GRID2: variants seen among roughly 807,000 people sequenced by gnomAD.
GRID2 encodes glutamate ionotropic receptor delta type subunit 2.
In GRID2, 33 loss-of-function variants were observed where a neutral mutation model predicts 114.8. The observed-to-expected ratio is 0.29, with a 90% CI of 0.22 to 0.38. The LOEUF is 0.38. GRID2 is among the 10% of genes least tolerant of loss of function. The probability of loss-of-function intolerance (pLI) is 1.00; values close to 1 mark genes in which losing one functional copy is unlikely to be tolerated. For missense variants in GRID2, 1,184 were observed against 1,257.7 expected, an observed-to-expected ratio of 0.94 and a Z score of 0.89; for synonymous variants, 505 against 449.9, an observed-to-expected ratio of 1.12 and a Z score of -1.55.
At chr4:92,853,434 T>C (rs1474029002) in intron 2 of GRID2, among the ~76,000 whole-genome samples, 1 of 152,008 alleles carries the variant, frequency 6.6e-6, no homozygotes, top group African/African-American at 2.4e-5. Flanking sequence ...TCCAATCTCA[T>C]AGAAAATTTA....
chr4:93,562,211 T>A (rs1734993030), intron 13 of GRID2, among the ~76,000 whole-genome samples: 1 of 152,032 alleles, frequency 6.6e-6, no homozygotes, highest in African/African-American at 2.4e-5. Flanking sequence ...TTTTTTTATT[T>A]TGGCCATTCT....
intron 1 of GRID2, among the ~76,000 whole-genome samples, chr4:92,393,098 C>T (rs1376044257): frequency 6.6e-6 from 1 of 152,076 alleles, no homozygotes; most frequent in Non-Finnish European, 1.5e-5. Flanking sequence ...ATGGTGAAAG[C>T]AGGAGCAAGA....
intron 2 of GRID2, among the ~76,000 whole-genome samples, chr4:92,695,153 A>T (rs892641709): frequency 1.3e-5 from 2 of 151,980 alleles, no homozygotes; most frequent in African/African-American, 4.8e-5. Flanking sequence ...TTTTGTAGAG[A>T]CAGGGTTTCA....
At chr4:93,052,870 T>G (rs1726858484) in intron 2 of GRID2, among the ~76,000 whole-genome samples, 1 of 151,884 alleles carries the variant, frequency 6.6e-6, no homozygotes, top group Non-Finnish European at 1.5e-5. Flanking sequence ...CCATCAGTCA[T>G]CCTAAGCGTT....
intron 2 of GRID2, among the ~76,000 whole-genome samples, chr4:92,774,036 A>C (rs1156784306): frequency 6.6e-6 from 1 of 152,204 alleles, no homozygotes; most frequent in East Asian, 1.9e-4. Context: ...ATATAATAAA[A>C]GTTATAAATA....
At chr4:92,940,600 C>G (rs1751037315) in intron 2 of GRID2, among the ~76,000 whole-genome samples, 1 of 152,158 alleles carries the variant, frequency 6.6e-6, no homozygotes, top group South Asian at 2.1e-4. Context: ...ACTTCCAACA[C>G]TATTTTGAAT....
intron 4 of GRID2, among the ~76,000 whole-genome samples, chr4:93,118,895 T>C (rs1733526515): frequency 1.3e-5 from 2 of 152,196 alleles, no homozygotes; most frequent in Non-Finnish European, 2.9e-5. Flanking sequence ...TTCTATACTT[T>C]ATAAGTTAGC....
chr4:93,622,910 G>A (rs780941484), intron 13 of GRID2, among the ~76,000 whole-genome samples: 34 of 152,044 alleles, frequency 2.2e-4, no homozygotes, highest in South Asian at 6.2e-4. Flanking sequence ...AAAAAGTCTC[G>A]CATGTTCTTC....
At chr4:93,050,462 C>T (rs902381704) in intron 2 of GRID2, among the ~76,000 whole-genome samples, 3 of 150,522 alleles carry the variant, frequency 2.0e-5, no homozygotes, top group Non-Finnish European at 3.0e-5. Flanking sequence ...ACTGGGTTGC[C>T]GTGGAAACCA....
chr4:92,511,913 G>A (rs191659719), intron 1 of GRID2, among the ~76,000 whole-genome samples: 1 of 151,840 alleles, frequency 6.6e-6, no homozygotes, highest in East Asian at 2.0e-4. Flanking sequence ...TCCCTCTCTA[G>A]AGACTTTTTA....
chr4:92,669,760 A>C (rs974186287), intron 2 of GRID2, among the ~76,000 whole-genome samples: 11 of 152,158 alleles, frequency 7.2e-5, no homozygotes, highest in African/African-American at 2.4e-4. Context: ...TATGATAGAG[A>C]AATTATATAC....
At chr4:92,966,052 ACT>A (rs1305727387) in intron 2 of GRID2, among the ~76,000 whole-genome samples, 1 of 151,880 alleles carries the variant, frequency 6.6e-6, no homozygotes, top group Non-Finnish European at 1.5e-5. Flanking sequence ...TCAGGAGGAA[ACT>A]CTCACAATGT....
chr4:93,184,550 A>G (rs1457716733), intron 4 of GRID2, among the ~76,000 whole-genome samples: 1 of 150,426 alleles, frequency 6.6e-6, no homozygotes, highest in Non-Finnish European at 1.5e-5. Flanking sequence ...ACTCTTTCAT[A>G]TATTTCTCAA....
chr4:92,952,518 T>A (rs1752109492), intron 2 of GRID2, among the ~76,000 whole-genome samples: 2 of 152,244 alleles, frequency 1.3e-5, no homozygotes, highest in Admixed American at 1.3e-4. Flanking sequence ...TCATGTTTTT[T>A]AAATCTCATT....
At chr4:92,846,173 C>T (rs1240359834) in intron 2 of GRID2, among the ~76,000 whole-genome samples, 1 of 152,046 alleles carries the variant, frequency 6.6e-6, no homozygotes, top group Non-Finnish European at 1.5e-5. Flanking sequence ...TATAATTTCA[C>T]CTTTTATTTT....
At chr4:93,446,272 A>G (rs940881851) in intron 10 of GRID2, among the ~76,000 whole-genome samples, 3 of 151,958 alleles carry the variant, frequency 2.0e-5, no homozygotes, top group Non-Finnish European at 4.4e-5. Flanking sequence ...CAGCCCTCCA[A>G]TGCTCTGTTT....
At chr4:93,656,692 T>C (rs371448524) in intron 14 of GRID2, among the ~76,000 whole-genome samples, 4,965 of 119,058 alleles carry the variant, frequency 0.042, 147 homozygotes, top group Middle Eastern at 0.12. Flanking sequence ...TAGCCAGGCA[T>C]GGTGGCGGGC....
chr4:93,085,525 T>C (rs955082054), intron 3 of GRID2, among the ~76,000 whole-genome samples: 2 of 152,180 alleles, frequency 1.3e-5, no homozygotes, highest in Admixed American at 1.3e-4. Context: ...TTACAAATGT[T>C]TCTAGAGAGA....
chr4:93,769,316 G>A lies in GRID2; in HGVS notation c.2467G>A (p.Gly823Arg), dbSNP rs376767575. ...CTCGTCAGTGGACACAAAGCAGAAAGGAGGCGCCCTGGACATAAAGAGCTT... is the reference window on the plus strand; with the variant it reads ...CTCGTCAGTGGACACAAAGCAGAAAAGAGGCGCCCTGGACATAAAGAGCTT... ...LYSSVDTKQK[G>R]GALDIKSFAG... Residue 823 changes from glycine (G) to arginine (R), a missense_variant, in exon 15 of 16, where the codon GGA (glycine) becomes AGA (arginine). This residue lies in a region of GRID2 where 717 missense variants were observed against 796.9 expected (regional missense o/e 0.90). Transcript: ENST00000282020. 3 of 1,614,024 alleles carry A rather than the reference G, an allele frequency of 1.9e-6. No homozygotes were observed. Among genetic ancestry groups the A allele is most frequent in the Non-Finnish European group, 2.5e-6 (3 of 1,180,008 alleles).
Sources: allele counts gnomAD v4.1 joint callset (sites outside exome capture counted in the v4.1 genomes callset), GRCh38; gene constraint gnomAD v4.1.1; regional missense constraint gnomAD v4.1.1; transcripts MANE v1.5; gene names NCBI Gene and HGNC (gene_info 2026-07-23, HGNC 2026-07-21).